PKNOX1: variants seen among roughly 807,000 people sequenced by gnomAD.
The protein encoded by PKNOX1 is PBX/knotted 1 homeobox 1.
A neutral mutation model predicts 51.9 loss-of-function variants in PKNOX1; 15 were observed. That is an observed-to-expected ratio of 0.29 (90% confidence interval 0.19 to 0.45). The LOEUF (loss-of-function observed/expected upper bound fraction) is 0.45, where lower values mean the gene tolerates loss of function less well. Among genes scored for constraint, PKNOX1 ranks in the 20% least tolerant of loss-of-function variants. PKNOX1 has a pLI of 1.00. For synonymous variants in PKNOX1, 219 were observed against 211.1 expected (o/e 1.04, Z -0.32); for missense variants, 462 against 547.5 (o/e 0.84, Z 1.56).
chr21:43,012,765 A>C (rs1377864994), intron 4 of PKNOX1, among the ~76,000 whole-genome samples: 1 of 152,176 alleles, frequency 6.6e-6, no homozygotes, highest in Non-Finnish European at 1.5e-5. Flanking sequence ...CCTGCCTGCC[A>C]CAGAGCGAAT....
chr21:42,975,048 G>GGGGCGT (rs1555856332), intron 1 of PKNOX1, among the ~76,000 whole-genome samples: 2 of 6,426 alleles, frequency 3.1e-4, no homozygotes, highest in Admixed American at 2.3e-3. Flanking sequence ...GCCCCGGCGC[G>GGGGCGT]GGGCGGGGGC....
At chr21:43,022,406 C>T (rs1283473506) in intron 8 of PKNOX1, among the ~76,000 whole-genome samples, 1 of 152,206 alleles carries the variant, frequency 6.6e-6, no homozygotes, top group Admixed American at 6.5e-5. Flanking sequence ...GCCTCGGGCT[C>T]CTCAGTTGAG....
intron 1 of PKNOX1, among the ~76,000 whole-genome samples, chr21:42,987,162 A>G (rs2059056144): frequency 6.6e-6 from 1 of 151,768 alleles, no homozygotes. Context: ...TGGGCAGATC[A>G]CCTGAGGCCA....
rs184389988 is a variant in PKNOX1, at chr21:43,030,488, G to C, written c.*387G>C. ...CAGATCTCAGTGGGCTGGTTGATTT[G>C]TGTGGCCCATGGATTTGAAAGAAGC... On this transcript the variant is annotated 3_prime_UTR_variant, in exon 11 of 11. Transcript: ENST00000291547. 1 of 159,604 alleles carries C rather than the reference G, an allele frequency of 6.3e-6. No individual in the cohort carries two copies. The highest frequency in any genetic ancestry group is 2.4e-5 in the African/African-American group (1 of 41,732). The allele number at this position is 159,604 out of a possible 1,614,324, so 9.9% of individuals were successfully genotyped here.
At chr21:42,975,322 C>T (rs2058989237) in intron 1 of PKNOX1, among the ~76,000 whole-genome samples, 1 of 151,332 alleles carries the variant, frequency 6.6e-6, no homozygotes, top group Admixed American at 6.6e-5. Context: ...GCTCGTGGCC[C>T]TCAGCCGGGC....
chr21:42,981,747 G>A (rs556551701), intron 1 of PKNOX1, among the ~76,000 whole-genome samples: 5 of 152,240 alleles, frequency 3.3e-5, no homozygotes, highest in Admixed American at 3.3e-4. Context: ...TGCCGTCTGC[G>A]ATTGACGCTG....
intron 1 of PKNOX1, among the ~76,000 whole-genome samples, chr21:43,003,570 G>A (rs993312593): frequency 1.4e-4 from 22 of 152,148 alleles, no homozygotes; most frequent in African/African-American, 5.3e-4. Flanking sequence ...CATCTTCCCA[G>A]CGAGGCCTGC....
At position 43,004,307 on chromosome 21, in the gene PKNOX1, T is replaced by C; in HGVS notation, c.-56-19T>C. On this transcript the variant is annotated intron_variant, in intron 1 of 10. Coordinates refer to ENST00000291547, the MANE Select transcript of PKNOX1 (RefSeq NM_004571.5). ...GCTCTACAACTATTAACTGATGCTT[T>C]TCTGGTTTTGTTCTCCAGACACCAT... is the stretch of plus-strand genomic sequence containing the variant. 1.0e-6 allele frequency: 1 copy of C among 985,916 alleles called. No individual in the cohort carries two copies. The highest frequency in any genetic ancestry group is 1.3e-5 in the South Asian group (1 of 76,384). 61.1% of individuals were successfully genotyped at this position (985,916 alleles called of 1,614,324 possible). A position where few individuals can be genotyped will look rare whatever the true frequency, so the allele number is the denominator to read the frequency against.
rs753331980 is a variant in PKNOX1, at chr21:43,007,550, A to C, written c.111A>C (p.Ala37=). Residue 37 remains alanine, a synonymous_variant, in exon 3 of 11, where the codon GCA becomes GCC. Transcript: ENST00000291547. ...EQDPNCSEPD[A]EGVSPPPVES... is the part of the protein sequence containing the mutation. Reference sequence around the variant, plus strand: ...ATCCAAACTGCTCTGAACCCGATGCAGAAGGAGTGAGCCCTCCCCCTGTGG... The same window carrying C: ...ATCCAAACTGCTCTGAACCCGATGCCGAAGGAGTGAGCCCTCCCCCTGTGG... 10 of 1,614,026 alleles carry C rather than the reference A, an allele frequency of 6.2e-6. No individual in the cohort carries two copies. The highest frequency in any genetic ancestry group is 8.5e-6 in the Non-Finnish European group (10 of 1,179,976).
At chr21:43,022,630 C>T (rs1979811969) in intron 8 of PKNOX1, among the ~76,000 whole-genome samples, 1 of 152,110 alleles carries the variant, frequency 6.6e-6, no homozygotes, top group Admixed American at 6.5e-5. Flanking sequence ...AGGAGAAAGG[C>T]GTGCTACCTG....
chr21:43,004,076 A>G (rs891835425), intron 1 of PKNOX1: 21 of 239,854 alleles, frequency 8.8e-5, no homozygotes, highest in Non-Finnish European at 1.7e-4. Flanking sequence ...CGTCTCTACT[A>G]AAAACACAAA....
rs1450414137 is a variant in PKNOX1 at position 43,029,969 on chromosome 21, G to A, written c.1179G>A (p.Leu393=). 2 of 1,614,138 alleles carry A rather than the reference G, an allele frequency of 1.2e-6. 1 individual carries two copies. The highest frequency in any genetic ancestry group is 2.7e-5 in the African/African-American group (2 of 75,062). ...LQSLSSDGAT[L]AVQQVMMAGQ... ...CTCTGTCCTCGGACGGGGCCACCCTGGCGGTGCAGCAGGTCATGATGGCAG... is the reference window on the plus strand; with the variant it reads ...CTCTGTCCTCGGACGGGGCCACCCTAGCGGTGCAGCAGGTCATGATGGCAG... The change falls in exon 11 of 11, where the codon CTG becomes CTA. Residue 393 remains leucine, a synonymous_variant. Transcript: ENST00000291547.
Position 43,031,015 on chromosome 21 carries a change from C to T in PKNOX1, c.*914C>T, listed in dbSNP as rs1430667023. The T allele has an allele frequency of 6.6e-6, 1 of 152,556 alleles. No homozygotes were observed. Among genetic ancestry groups the T allele is most frequent in the Non-Finnish European group, 1.5e-5 (1 of 68,036 alleles). The allele number at this position is 152,556 out of a possible 1,614,324, so 9.5% of individuals were successfully genotyped here. ...CATATATCGAAAGATATCTGCTAAACAGGACTTCAGGTAAGTGAGGTGAAA... is the reference window on the plus strand; with the variant it reads ...CATATATCGAAAGATATCTGCTAAATAGGACTTCAGGTAAGTGAGGTGAAA... On this transcript the variant is annotated 3_prime_UTR_variant, in exon 11 of 11. Coordinates refer to ENST00000291547, the MANE Select transcript of PKNOX1 (RefSeq NM_004571.5).
At chr21:43,023,016 A>G (rs533922299) in intron 8 of PKNOX1, among the ~76,000 whole-genome samples, 1 of 151,888 alleles carries the variant, frequency 6.6e-6, no homozygotes, top group Non-Finnish European at 1.5e-5. Context: ...CAAACAATAA[A>G]CCCTGCCCAT....
Position 42,980,100 on chromosome 21 carries a change from C to T in PKNOX1, c.-57+5436C>T, listed in dbSNP as rs1004468354. 2.6e-5 allele frequency among the ~76,000 whole-genome samples: 4 copies of T among 152,260 alleles called. No homozygotes were observed. The South Asian group carries it at 6.2e-4, about 24-fold the overall frequency. On this transcript the variant is annotated intron_variant, in intron 1 of 10. Coordinates refer to ENST00000291547, the MANE Select transcript of PKNOX1 (RefSeq NM_004571.5). ...AAAGTACTACTTGTGAGGCCAGGTG[C>T]GGTGGCTCACACCTGTAATCCTAGC...
chr21:42,999,134 G>C (rs556743526), intron 1 of PKNOX1, among the ~76,000 whole-genome samples: 2 of 152,336 alleles, frequency 1.3e-5, no homozygotes, highest in East Asian at 3.9e-4. Flanking sequence ...CTTGACTTCT[G>C]TGCACTCTCA....
At position 43,032,310 on chromosome 21, in the gene PKNOX1, C is replaced by G. The variant is rs987413467; in HGVS notation, c.*2209C>G. 2.3e-6 allele frequency: 1 copy of G among 434,390 alleles called. No individual in the cohort carries two copies. The highest frequency in any genetic ancestry group is 4.7e-6 in the Non-Finnish European group (1 of 213,968). The allele number at this position is 434,390 out of a possible 1,614,324, so 26.9% of individuals were successfully genotyped here. On this transcript the variant is annotated 3_prime_UTR_variant, in exon 11 of 11. Transcript: ENST00000291547. ...ACCCATGAAAGCCAGCCAGCCCTTC[C>G]TCCTTCCCTCACCACCCTCCGTCTC...
rs542725171 is a variant in PKNOX1 at position 42,975,182 on chromosome 21, C to A, written c.-57+518C>A. Among the ~76,000 whole-genome samples the A allele has an allele frequency of 3.0e-4, 44 of 145,450 alleles. 1 individual carries two copies. Among genetic ancestry groups the A allele is most frequent in the Admixed American group, 2.3e-3 (34 of 14,718 alleles). On this transcript the variant is annotated intron_variant, in intron 1 of 10. Transcript: ENST00000291547. The stretch of plus-strand genomic sequence containing the variant: ...CGCGGCCTCGCGGAGTCCTCAGGGC[C>A]GGCGGGGCTGCTCGGAGGGTGCGGG...
Position 43,010,205 on chromosome 21 carries a change from A to T in PKNOX1, c.332A>T (p.Asp111Val). 6.4e-7 allele frequency: 1 copy of T among 1,553,324 alleles called. No individual in the cohort carries two copies. Among genetic ancestry groups the T allele is most frequent in the Non-Finnish European group, 8.7e-7 (1 of 1,146,306 alleles). ...GAAGGGAAACCTTTCTTTTGTGAAG[A>T]TCCAGAAACTGATAATTTAGTAAGT... Reference protein sequence around the residue: ...EKEGKPFFCEDPETDNLMVKA... With the variant: ...EKEGKPFFCEVPETDNLMVKA... Residue 111 changes from aspartate to valine, a missense_variant, in exon 4 of 11, where the codon GAT becomes GTT. Transcript: ENST00000291547.
Sources: gnomAD v4.1 joint callset for allele counts (sites outside exome capture counted in the v4.1 genomes callset) on GRCh38, gnomAD v4.1.1 for gene constraint, MANE v1.5 for transcripts, NCBI Gene and HGNC (gene_info 2026-07-23, HGNC 2026-07-21) for gene names.